Variants in NUP58 observed in about 807,000 individuals in gnomAD.
NUP58 encodes the protein nucleoporin 58, also known as nucleoporin p58/p45.
NUP58 carries 17 observed loss-of-function variants against 70.1 expected under a neutral mutation model. The observed-to-expected ratio is 0.24, with a 90% CI of 0.17 to 0.36. NUP58 has a LOEUF of 0.36. NUP58 is among the 10% of genes least tolerant of loss of function. The pLI, the probability that NUP58 is intolerant of heterozygous loss-of-function variation, is 1.00. For synonymous variants in NUP58, 275 were observed against 257.6 expected (o/e 1.07, Z -0.65); for missense variants, 644 against 701.5 (o/e 0.92, Z 0.93).
At chr13:25,348,179 G>A (rs1015471819) in intron 3 of NUP58, among the ~76,000 whole-genome samples, 1 of 152,036 alleles carries the variant, frequency 6.6e-6, no homozygotes, top group African/African-American at 2.4e-5. Context: ...AATATTGGGC[G>A]ACATTTAAGT....
intron 1 of NUP58, among the ~76,000 whole-genome samples, chr13:25,305,146 T>TTTTTG (rs2030274172): frequency 2.4e-5 from 1 of 41,760 alleles, no homozygotes; most frequent in African/African-American, 5.5e-5. Flanking sequence ...TTTTTTTTTT[T>TTTTTG]TTTTTTTTTT....
At chr13:25,337,621 T>G (rs528336543) in intron 14 of NUP58, among the ~76,000 whole-genome samples, 2 of 152,290 alleles carry the variant, frequency 1.3e-5, no homozygotes, top group African/African-American at 4.8e-5. Flanking sequence ...GCATTCACAA[T>G]TCTTTGATAT....
At chr13:25,334,823 G>A (rs1262121608) in intron 13 of NUP58, 1 of 983,616 alleles carries the variant, frequency 1.0e-6, no homozygotes, top group Admixed American at 6.2e-5. Flanking sequence ...TATATTATAT[G>A]GTAACTTTTG....
chr13:25,329,367 C>T (rs949424895), intron 12 of NUP58, among the ~76,000 whole-genome samples: 7 of 152,116 alleles, frequency 4.6e-5, no homozygotes, highest in South Asian at 2.1e-4. Context: ...CAGGTGTAAA[C>T]GTACATTTTT....
rs572138401 is a variant in NUP58 at position 25,342,410 on chromosome 13, G to T, written c.*2276G>T. 6.6e-6 allele frequency: 1 copy of T among 152,630 alleles called. No individual in the cohort carries two copies. The highest frequency in any genetic ancestry group is 2.1e-4 in the South Asian group (1 of 4,818). 9.5% of individuals were successfully genotyped at this position (152,630 alleles called of 1,614,324 possible). ...AACAATAAAATTTATTGTGTCAGTTGCTTTGATTCTTTATAGGTGTCAGTA... is the reference window on the plus strand; with the variant it reads ...AACAATAAAATTTATTGTGTCAGTTTCTTTGATTCTTTATAGGTGTCAGTA... On this transcript the variant is annotated 3_prime_UTR_variant, in exon 16 of 16. Transcript: ENST00000381736.
In NUP58 at chr13:25,307,863, T is replaced by C; in HGVS notation, c.165T>C (p.Thr55=). 2.5e-6 allele frequency: 4 copies of C among 1,614,186 alleles called. No individual in the cohort carries two copies. Among genetic ancestry groups the C allele is most frequent in the Non-Finnish European group, 3.4e-6 (4 of 1,180,008 alleles). ...GNLGSTSTPA[T]TSAPSSGFGT... The stretch of plus-strand genomic sequence containing the variant: ...TTGGAAGTACTTCAACTCCAGCAAC[T>C]ACATCTGCTCCTTCAAGTGGTTTTG... The change falls in exon 2 of 16, where the codon ACT becomes ACC. Residue 55 remains threonine (T), a synonymous_variant. Transcript: ENST00000381736.
intron 12 of NUP58, among the ~76,000 whole-genome samples, chr13:25,330,081 ACCTC>A (rs2031550204): frequency 6.6e-6 from 1 of 151,808 alleles, no homozygotes; most frequent in South Asian, 2.1e-4. Flanking sequence ...TCCTGCCTAG[ACCTC>A]CCTAAGGGCT....
chr13:25,343,826 T>TAC (rs1227857988), downstream of NUP58, among the ~76,000 whole-genome samples: 952 of 127,558 alleles, frequency 7.5e-3, 12 homozygotes, highest in African/African-American at 0.024. Flanking sequence ...TATATATATA[T>TAC]ACACATATAT....
chr13:25,326,387 AAGT>A (rs2031396022), intron 10 of NUP58, among the ~76,000 whole-genome samples: 1 of 152,080 alleles, frequency 6.6e-6, no homozygotes, highest in South Asian at 2.1e-4. Context: ...TTTATTAGAA[AAGT>A]AGCAATAATT....
Position 25,326,956 on chromosome 13 carries a change from C to T in NUP58, c.1072C>T (p.Gln358Ter). 6.2e-7 allele frequency: 1 copy of T among 1,606,440 alleles called. No homozygotes were observed. Residue 358 changes from glutamine to a stop codon, truncating the protein, a stop_gained, in exon 11 of 16, where the codon CAG (glutamine) becomes TAG (stop). Coordinates refer to ENST00000381736, the MANE Select transcript of NUP58 (RefSeq NM_014089.4). LOFTEE classifies it high-confidence loss of function. ...ILVQQFEVQL[Q>*]QYRQQIEELE... is the part of the protein sequence containing the mutation. The stretch of plus-strand genomic sequence containing the variant: ...GGTTCAGCAATTTGAGGTACAGCTT[C>T]AGCAGTACAGGCAGCAGATTGAAGA...
At chr13:25,308,134 C>T (rs2030467514) in intron 2 of NUP58, 186 bp downstream of exon 2, 1 of 513,048 alleles carries the variant, frequency 1.9e-6, no homozygotes, top group African/African-American at 1.9e-5. Flanking sequence ...CATTGACTGT[C>T]ATCTACTCTG....
At chr13:25,335,047 T>C in intron 13 of NUP58, 14 of 985,262 alleles carry the variant, frequency 1.4e-5, no homozygotes, top group Non-Finnish European at 1.7e-5. Flanking sequence ...GAGTGTAATA[T>C]ATGCTAATAC....
At position 25,314,665 on chromosome 13, in the gene NUP58, A is replaced by C. The variant is rs183075673; in HGVS notation, c.575-692A>C. 2.6e-5 allele frequency among the ~76,000 whole-genome samples: 4 copies of C among 152,308 alleles called. No individual in the cohort carries two copies. The East Asian group carries it at 7.7e-4, about 29-fold the overall frequency. ...AGCCGAGATCATGCCATTGCACTCC[A>C]GCCTGGGCAACAAGAGCGAAACTCC... On this transcript the variant is annotated intron_variant, in intron 5 of 15. Transcript: ENST00000381736.
At chr13:25,315,516 A>G in intron 6 of NUP58, 49 bp downstream of exon 6, 1 of 1,322,768 alleles carries the variant, frequency 7.6e-7, no homozygotes, top group Non-Finnish European at 1.1e-6. Flanking sequence ...TGTTGAGGGA[A>G]TGTCTAGGTT....
At chr13:25,305,148 T>TTTTG (rs2030276978) in intron 1 of NUP58, among the ~76,000 whole-genome samples, 1 of 122,232 alleles carries the variant, frequency 8.2e-6, no homozygotes, top group African/African-American at 3.0e-5. Context: ...TTTTTTTTTT[T>TTTTG]TTTTTTTTTT....
intron 10 of NUP58, 64 bp downstream of exon 10, chr13:25,325,132 G>A (rs1034632089): frequency 7.1e-6 from 8 of 1,121,288 alleles, no homozygotes; most frequent in East Asian, 4.7e-5. Flanking sequence ...AGTAATAATA[G>A]TATACAAACT....
chr13:25,333,264 G>A (rs901541104), intron 13 of NUP58: 2 of 985,152 alleles, frequency 2.0e-6, no homozygotes, highest in African/African-American at 3.5e-5. Context: ...CTATGTGCTG[G>A]GCTCGAGGAA....
At chr13:25,303,865 ATGAC>A (rs2030158510) in intron 1 of NUP58, among the ~76,000 whole-genome samples, 1 of 152,198 alleles carries the variant, frequency 6.6e-6, no homozygotes, top group African/African-American at 2.4e-5. Flanking sequence ...AACAATTTGA[ATGAC>A]TGAGCAAATG....
At position 25,301,920 on chromosome 13, in the gene NUP58, C is replaced by T. The variant is rs866442164; in HGVS notation, c.107+40C>T. 7.7e-6 allele frequency: 10 copies of T among 1,293,670 alleles called. No individual in the cohort carries two copies. In the African/African-American group the frequency reaches 1.3e-4, roughly 17 times the overall value. 80.1% of individuals were successfully genotyped at this position (1,293,670 alleles called of 1,614,324 possible). ...TCGCCTTCCTGGGCCGGATTCACCC[C>T]CACCCCCACCCCCGCAAAGCTCCCT... On this transcript the variant is annotated intron_variant, in intron 1 of 15. Coordinates refer to ENST00000381736, the MANE Select transcript of NUP58 (RefSeq NM_014089.4).
Sources: allele counts gnomAD v4.1 joint callset (sites outside exome capture counted in the v4.1 genomes callset), GRCh38; gene constraint gnomAD v4.1.1; transcripts MANE v1.5; gene names NCBI Gene and HGNC (gene_info 2026-07-23, HGNC 2026-07-21).